OTOA: variants seen among roughly 807,000 people sequenced by gnomAD.
The protein encoded by OTOA is cancer/testis antigen 108.
In OTOA, 70 loss-of-function variants were observed where a neutral mutation model predicts 110.8. The observed-to-expected ratio is 0.63, with a 90% CI of 0.52 to 0.77. OTOA has a LOEUF of 0.77. Among genes scored for constraint, OTOA ranks in the 30% least tolerant of loss-of-function variants. OTOA has a pLI of 0.00. For missense variants in OTOA, 917 were observed against 1,075.8 expected (o/e 0.85, Z 2.06); for synonymous variants, 373 against 431.5 (o/e 0.86, Z 1.68).
At chr16:21,717,156 T>C in intron 15 of OTOA, 109 bp downstream of exon 15, 1 of 1,465,974 alleles carries the variant, frequency 6.8e-7, no homozygotes, top group Non-Finnish European at 9.4e-7. Flanking sequence ...TTCTGTGGGA[T>C]TAGTATAGGA....
intron 12 of OTOA, among the ~76,000 whole-genome samples, chr16:21,705,909 A>C (rs1294406020): frequency 2.6e-5 from 4 of 151,940 alleles, no homozygotes; most frequent in African/African-American, 9.7e-5. Context: ...ACTGCACTCC[A>C]GCCTGGGTGA....
rs549022302 is a variant in OTOA, at chr16:21,694,630, G to C, written c.739+2943G>C. On this transcript the variant is annotated intron_variant, in intron 9 of 28. Coordinates refer to ENST00000646100, the MANE Select transcript of OTOA (RefSeq NM_144672.4). ...AAAATGAGGAGATGGAACCAGTCAC[G>C]TAAGGCTCTGGAGAAAGGGCATCCC... Among the ~76,000 whole-genome samples the C allele has an allele frequency of 2.6e-4, 39 of 152,176 alleles. 2 individuals carry two copies. The highest frequency in any genetic ancestry group is 9.4e-4 in the African/African-American group (39 of 41,512).
intron 27 of OTOA, among the ~76,000 whole-genome samples, chr16:21,756,721 TTC>T (rs1000789546): frequency 5.9e-5 from 9 of 151,860 alleles, no homozygotes; most frequent in East Asian, 1.9e-4. Flanking sequence ...ACATTTTATA[TTC>T]TCTCTCTCTC....
chr16:21,705,118 G>C, intron 11 of OTOA, 51 bp from the exon 12 acceptor site: 1 of 1,613,804 alleles, frequency 6.2e-7, no homozygotes, highest in Non-Finnish European at 8.5e-7. Context: ...AACCAGAATG[G>C]GCTGGTTCTG....
At position 21,687,653 on chromosome 16, in the gene OTOA, G is replaced by A. The variant is rs772438764; in HGVS notation, c.635+5G>A. 1 of 1,590,718 alleles carries A rather than the reference G, an allele frequency of 6.3e-7. No homozygotes were observed. The highest frequency in any genetic ancestry group is 8.6e-7 in the Non-Finnish European group (1 of 1,162,224). On this transcript the variant is annotated splice_donor_5th_base_variant and intron_variant, in intron 8 of 28. Coordinates refer to ENST00000646100, the MANE Select transcript of OTOA (RefSeq NM_144672.4). Reference sequence around the variant, plus strand: ...CGAGGATGCCTTTAAGAACCTGTGAGTGGTTCCTCCGAACTTTTTTTTTTT... The same window carrying A: ...CGAGGATGCCTTTAAGAACCTGTGAATGGTTCCTCCGAACTTTTTTTTTTT...
chr16:21,686,190 C>CTA (rs1466364482), intron 7 of OTOA, among the ~76,000 whole-genome samples: 2 of 152,134 alleles, frequency 1.3e-5, no homozygotes, highest in Middle Eastern at 3.4e-3. Flanking sequence ...GACCCTAGTA[C>CTA]CCATGGGGCT....
chr16:21,705,128 G>A lies in OTOA; in HGVS notation c.981-41G>A, dbSNP rs914758676. ...AATTGAACCAGAATGGGCTGGTTCT[G>A]CGGTTACACCTCCACCACCATCCCT... On this transcript the variant is annotated intron_variant, in intron 11 of 28. Coordinates refer to ENST00000646100, the MANE Select transcript of OTOA (RefSeq NM_144672.4). 3.7e-6 allele frequency: 6 copies of A among 1,614,008 alleles called. No homozygotes were observed. The African/African-American group carries it at 8.0e-5, about 22-fold the overall frequency.
intron 1 of OTOA, among the ~76,000 whole-genome samples, chr16:21,675,075 T>G (rs397832202): frequency 2.2e-5 from 2 of 89,660 alleles, no homozygotes; most frequent in Admixed American, 2.1e-4. Context: ...CTTTCTTTCT[T>G]TCTTTCTTTC....
intron 8 of OTOA, among the ~76,000 whole-genome samples, chr16:21,689,958 T>C (rs1409358550): frequency 6.6e-6 from 1 of 152,166 alleles, no homozygotes; most frequent in Non-Finnish European, 1.5e-5. Flanking sequence ...AGTGCTGGGA[T>C]TACAGGTGTG....
intron 12 of OTOA, 62 bp from the exon 13 acceptor site, chr16:21,709,825 TG>T: frequency 7.1e-7 from 1 of 1,409,494 alleles, no homozygotes; most frequent in Non-Finnish European, 1.0e-6. Flanking sequence ...GCCCTGGATA[TG>T]GTCAGAGGGA....
At chr16:21,712,699 G>T (rs1898395478) in intron 13 of OTOA, among the ~76,000 whole-genome samples, 1 of 149,792 alleles carries the variant, frequency 6.7e-6, no homozygotes, top group Non-Finnish European at 1.5e-5. Flanking sequence ...AAAAAAATTA[G>T]CTGGGCATGG....
rs758384344 is a variant in OTOA, at chr16:21,679,166, A to G, written c.152-18A>G. 24 of 1,613,736 alleles carry G rather than the reference A, an allele frequency of 1.5e-5. No individual in the cohort carries two copies. The Admixed American group carries it at 3.8e-4, about 26-fold the overall frequency. ...TGATTCCTTTTAAAGATGTCTTTTC[A>G]TTTTACTCCCATTGTAGCACTGCTG... On this transcript the variant is annotated intron_variant, in intron 4 of 28. Transcript: ENST00000646100.
intron 18 of OTOA, among the ~76,000 whole-genome samples, chr16:21,723,318 G>A (rs1898817578): frequency 6.6e-6 from 1 of 152,126 alleles, no homozygotes; most frequent in Non-Finnish European, 1.5e-5. Context: ...GTTTCTCCTG[G>A]CATGTGTGAG....
intron 1 of OTOA, among the ~76,000 whole-genome samples, chr16:21,669,069 A>G (rs1441443290): frequency 6.6e-6 from 1 of 151,924 alleles, no homozygotes; most frequent in African/African-American, 2.4e-5. Context: ...GGCCGGGTGC[A>G]GTGGGATTAC....
chr16:21,707,457 G>A (rs1334902932), intron 12 of OTOA, among the ~76,000 whole-genome samples: 1 of 151,930 alleles, frequency 6.6e-6, no homozygotes, highest in African/African-American at 2.4e-5. Flanking sequence ...CGGTTTTGTG[G>A]AAGACAATTT....
Position 21,713,726 on chromosome 16 carries a change from G to A in OTOA, c.1321-1259G>A, listed in dbSNP as rs189767875. Among the ~76,000 whole-genome samples the A allele has an allele frequency of 7.8e-4, 118 of 152,228 alleles. 1 individual carries two copies. The highest frequency in any genetic ancestry group is 2.1e-4 in the Non-Finnish European group (14 of 68,008). Reference sequence around the variant, plus strand: ...TCCTGTGCTCACTGTCTCCATTATGGCACCATGACCAATGCCCACGCACTC... The same window carrying A: ...TCCTGTGCTCACTGTCTCCATTATGACACCATGACCAATGCCCACGCACTC... On this transcript the variant is annotated intron_variant, in intron 13 of 28. Coordinates refer to ENST00000646100, the MANE Select transcript of OTOA (RefSeq NM_144672.4).
intron 18 of OTOA, among the ~76,000 whole-genome samples, chr16:21,723,941 C>T (rs1898838106): frequency 6.6e-6 from 1 of 152,124 alleles, no homozygotes; most frequent in Non-Finnish European, 1.5e-5. Flanking sequence ...TTCCTTGAAC[C>T]AATCAGTGAG....
At chr16:21,671,616 A>AG (rs1966849289) in intron 1 of OTOA, among the ~76,000 whole-genome samples, 1 of 128,528 alleles carries the variant, frequency 7.8e-6, no homozygotes, top group African/African-American at 4.3e-5. Context: ...AAGAAAAAAG[A>AG]AAAAAAAAAA....
At chr16:21,729,246 A>T (rs1021183923) in intron 20 of OTOA, among the ~76,000 whole-genome samples, 6 of 152,112 alleles carry the variant, frequency 3.9e-5, no homozygotes, top group Non-Finnish European at 7.4e-5. Flanking sequence ...CATGTTGCCT[A>T]GGTGGGTCTT....
Sources: allele counts gnomAD v4.1 joint callset (sites outside exome capture counted in the v4.1 genomes callset), GRCh38; gene constraint gnomAD v4.1.1; transcripts MANE v1.5; gene names NCBI Gene and HGNC (gene_info 2026-07-23, HGNC 2026-07-21).